The following RBFOX1 variants were observed in gnomAD, a reference collection of about 807,000 sequenced individuals.
The protein encoded by RBFOX1 is RNA binding protein fox-1 homolog 1.
RBFOX1 carries 8 observed loss-of-function variants against 57.7 expected under a neutral mutation model. The observed-to-expected ratio is 0.14, with a 90% CI of 0.08 to 0.25. The LOEUF is 0.25. Ranked by LOEUF, RBFOX1 falls within the 10% of genes least tolerant of loss-of-function variation. The pLI, the probability that RBFOX1 is intolerant of heterozygous loss-of-function variation, is 1.00. For missense variants in RBFOX1, 611 were observed against 548.5 expected (o/e 1.11, Z -1.14); for synonymous variants, 326 against 222.4 (o/e 1.47, Z -4.15).
chr16:6,054,253 G>A (rs184678801), intron 1 of RBFOX1, among the ~76,000 whole-genome samples: 3 of 152,020 alleles, frequency 2.0e-5, no homozygotes, highest in East Asian at 3.9e-4. Context: ...TTTTTTTGGG[G>A]AGGCAGGGAA....
At chr16:6,026,128 C>T (rs573192900) in intron 1 of RBFOX1, among the ~76,000 whole-genome samples, 94 of 152,288 alleles carry the variant, frequency 6.2e-4, no homozygotes, top group African/African-American at 2.2e-3. Flanking sequence ...TGTCGATTCT[C>T]GTTTTTTACA....
At chr16:7,191,826 G>A (rs965412515) in intron 4 of RBFOX1, among the ~76,000 whole-genome samples, 1 of 152,204 alleles carries the variant, frequency 6.6e-6, no homozygotes, top group Non-Finnish European at 1.5e-5. Context: ...AACCATTGAG[G>A]CGAAAGAGTC....
At chr16:6,786,352 G>A (rs1357856770) in intron 3 of RBFOX1, among the ~76,000 whole-genome samples, 1 of 152,142 alleles carries the variant, frequency 6.6e-6, no homozygotes, top group African/African-American at 2.4e-5. Flanking sequence ...CCACAATGAG[G>A]AGAGTCCCTG....
intron 4 of RBFOX1, among the ~76,000 whole-genome samples, chr16:7,170,025 G>T (rs1159149940): frequency 1.3e-5 from 2 of 152,168 alleles, no homozygotes; most frequent in African/African-American, 4.8e-5. Context: ...AGTGAACCAA[G>T]ATTGTGCCAA....
chr16:5,360,982 C>T (rs955634886), intron 1 of RBFOX1, among the ~76,000 whole-genome samples: 1 of 152,128 alleles, frequency 6.6e-6, no homozygotes, highest in African/African-American at 2.4e-5. Flanking sequence ...TGATTGATAA[C>T]CATACCAAGG....
At chr16:6,063,507 C>CACACACA (rs1555493205) in intron 1 of RBFOX1, among the ~76,000 whole-genome samples, 1,011 of 47,162 alleles carry the variant, frequency 0.021, 22 homozygotes, top group African/African-American at 0.048. Context: ...ACACACACAC[C>CACACACA]CCCTTATATT....
At chr16:5,827,417 A>AG (rs1555538355) in intron 3 of RBFOX1, among the ~76,000 whole-genome samples, 1 of 151,568 alleles carries the variant, frequency 6.6e-6, no homozygotes, top group Non-Finnish European at 1.5e-5. Context: ...AAAAAAAAAA[A>AG]AAAAGAAAAG....
intron 1 of RBFOX1, among the ~76,000 whole-genome samples, chr16:5,342,962 C>G (rs1442909394): frequency 2.0e-5 from 3 of 152,152 alleles, no homozygotes; most frequent in Admixed American, 2.0e-4. Context: ...TGGGTAATTT[C>G]TCTTCTATTA....
chr16:6,707,616 C>G (rs1438697525), intron 3 of RBFOX1, among the ~76,000 whole-genome samples: 1 of 151,600 alleles, frequency 6.6e-6, no homozygotes, highest in African/African-American at 2.4e-5. Context: ...ATTGAAGATG[C>G]TGGATCTCCT....
intron 2 of RBFOX1, among the ~76,000 whole-genome samples, chr16:6,601,845 G>A (rs1482203239): frequency 6.6e-6 from 1 of 152,154 alleles, no homozygotes; most frequent in Non-Finnish European, 1.5e-5. Flanking sequence ...TTAAAGAGAG[G>A]GGTTAGAGCT....
At chr16:6,545,536 C>T (rs2096883020) in intron 2 of RBFOX1, among the ~76,000 whole-genome samples, 1 of 152,196 alleles carries the variant, frequency 6.6e-6, no homozygotes, top group South Asian at 2.1e-4. Context: ...AAGGTCCACT[C>T]TTATGTCACA....
At chr16:7,189,064 T>C (rs1334775327) in intron 4 of RBFOX1, among the ~76,000 whole-genome samples, 1 of 151,976 alleles carries the variant, frequency 6.6e-6, no homozygotes, top group Non-Finnish European at 1.5e-5. Context: ...CGAAAAGGAA[T>C]TCTCAATGGA....
chr16:6,669,491 G>T (rs568231211), intron 3 of RBFOX1, among the ~76,000 whole-genome samples: 289 of 152,176 alleles, frequency 1.9e-3, no homozygotes, highest in Admixed American at 4.5e-3. Context: ...TTTTTCCAGA[G>T]TGATTGCAGT....
intron 3 of RBFOX1, among the ~76,000 whole-genome samples, chr16:5,692,483 A>G (rs1305153956): frequency 1.8e-4 from 28 of 152,168 alleles, no homozygotes; most frequent in Non-Finnish European, 1.5e-5. Flanking sequence ...ACAGCTCCAA[A>G]GAGCGCCTGA....
chr16:6,367,845 A>G (rs889476492), intron 2 of RBFOX1, among the ~76,000 whole-genome samples: 30 of 152,102 alleles, frequency 2.0e-4, no homozygotes, highest in Non-Finnish European at 2.9e-5. Context: ...AAACCATCCT[A>G]TCTTCCCCCA....
At chr16:7,132,427 TACACAGAC>T (rs1373941317) in intron 4 of RBFOX1, among the ~76,000 whole-genome samples, 2 of 128,288 alleles carry the variant, frequency 1.6e-5, no homozygotes, top group African/African-American at 3.1e-5. Context: ...GAAATTGTGA[TACACAGAC>T]ACACACACAC....
intron 13 of RBFOX1, 115 bp downstream of exon 13, chr16:7,665,083 G>C: frequency 1.3e-6 from 2 of 1,596,670 alleles, no homozygotes; most frequent in Non-Finnish European, 1.7e-6. Context: ...TTGGTCTGTA[G>C]GAAATAATTC....
chr16:6,986,652 C>G (rs1230033755), intron 3 of RBFOX1, among the ~76,000 whole-genome samples: 5 of 152,140 alleles, frequency 3.3e-5, no homozygotes, highest in South Asian at 2.1e-4. Context: ...CTCTGTCTCC[C>G]TCTTTTCCTT....
rs1262130927 is a variant in RBFOX1 at position 5,758,268 on chromosome 16, G to T, written c.319-109035G>T. Reference sequence around the variant, plus strand: ...TCATGGGGGGAAAAAGTTGAAGGCGGTATTGTGGTATTTATCCTTGAAATA... The same window carrying T: ...TCATGGGGGGAAAAAGTTGAAGGCGTTATTGTGGTATTTATCCTTGAAATA... On this transcript the variant is annotated intron_variant, in intron 3 of 19. Transcript: ENST00000641259. 3.9e-5 allele frequency among the ~76,000 whole-genome samples: 6 copies of T among 152,188 alleles called. No homozygotes were observed. In the East Asian group the frequency reaches 1.2e-3, roughly 29 times the overall value.
Sources: gnomAD v4.1 joint callset for allele counts (sites outside exome capture counted in the v4.1 genomes callset) on GRCh38, gnomAD v4.1.1 for gene constraint, MANE v1.5 for transcripts, NCBI Gene and HGNC (gene_info 2026-07-23, HGNC 2026-07-21) for gene names.